Variants in CTNND2 observed in about 807,000 individuals in gnomAD.
CTNND2 encodes catenin delta-2.
In CTNND2, 22 loss-of-function variants were observed where a neutral mutation model predicts 144.4. The ratio of observed to expected loss-of-function variants is 0.15; its 90% CI spans 0.11 to 0.22. The LOEUF is 0.22. Among genes scored for constraint, CTNND2 ranks in the 10% least tolerant of loss-of-function variants. The pLI is 1.00. For missense variants in CTNND2, 1,353 were observed against 1,618.8 expected, an observed-to-expected ratio of 0.84 and a Z score of 2.82; for synonymous variants, 751 against 695.6, an observed-to-expected ratio of 1.08 and a Z score of -1.25.
At chr5:11,274,448 T>C (rs2149983366) in intron 9 of CTNND2, among the ~76,000 whole-genome samples, 1 of 152,182 alleles carries the variant, frequency 6.6e-6, no homozygotes, top group East Asian at 1.9e-4. Flanking sequence ...AAACAACCTG[T>C]CTCAGCAAAA....
chr5:11,099,747 T>C (rs1379604451), intron 14 of CTNND2, among the ~76,000 whole-genome samples: 4 of 152,190 alleles, frequency 2.6e-5, no homozygotes, highest in Non-Finnish European at 2.9e-5. Flanking sequence ...CTTTGTCTTT[T>C]GTGAAAATAA....
intron 15 of CTNND2, among the ~76,000 whole-genome samples, chr5:11,084,617 CA>C (rs1749941222): frequency 6.6e-6 from 1 of 152,112 alleles, no homozygotes; most frequent in African/African-American, 2.4e-5. Flanking sequence ...GTACTCCTGG[CA>C]ACTTAGGCAG....
intron 12 of CTNND2, among the ~76,000 whole-genome samples, chr5:11,124,443 C>T (rs7700861): frequency 0.16 from 23,582 of 152,042 alleles, 2,974 homozygotes; most frequent in East Asian, 0.45. Context: ...ATACTTTTCT[C>T]GATTCCACGA....
chr5:11,132,348 C>A (rs1333028874), intron 12 of CTNND2, among the ~76,000 whole-genome samples: 7 of 152,176 alleles, frequency 4.6e-5, no homozygotes, highest in Non-Finnish European at 1.5e-5. Context: ...TTGTGTCCTC[C>A]AACAAATCAT....
chr5:11,279,765 T>G (rs935845120), intron 9 of CTNND2, among the ~76,000 whole-genome samples: 2 of 152,058 alleles, frequency 1.3e-5, no homozygotes, highest in Non-Finnish European at 2.9e-5. Flanking sequence ...CCAATCATGG[T>G]GGAAGGTGAA....
intron 2 of CTNND2, among the ~76,000 whole-genome samples, chr5:11,727,842 T>C (rs1373541997): frequency 6.6e-6 from 1 of 152,208 alleles, no homozygotes; most frequent in African/African-American, 2.4e-5. Context: ...TAACAACACA[T>C]TGTGTTATCA....
At chr5:11,704,706 T>C (rs1027305627) in intron 2 of CTNND2, among the ~76,000 whole-genome samples, 3 of 151,812 alleles carry the variant, frequency 2.0e-5, no homozygotes, top group African/African-American at 7.3e-5. Context: ...TTCAGCTTGT[T>C]CCTCTGGAGG....
At chr5:11,144,146 T>TA (rs1386893713) in intron 12 of CTNND2, among the ~76,000 whole-genome samples, 1 of 112,768 alleles carries the variant, frequency 8.9e-6, no homozygotes, top group Non-Finnish European at 1.9e-5. Flanking sequence ...GGGGTTTCTA[T>TA]GAGCAGATCC....
chr5:11,660,898 A>C (rs534373535), intron 2 of CTNND2, among the ~76,000 whole-genome samples: 92 of 152,294 alleles, frequency 6.0e-4, no homozygotes, highest in Non-Finnish European at 1.2e-3. Context: ...TAATTTAAAA[A>C]TCTTGAGAAA....
chr5:11,181,448 C>T (rs1580511696), intron 11 of CTNND2, among the ~76,000 whole-genome samples: 1 of 152,174 alleles, frequency 6.6e-6, no homozygotes, highest in East Asian at 1.9e-4. Context: ...GCAGAGCACA[C>T]AGGCTGTGCC....
intron 3 of CTNND2, among the ~76,000 whole-genome samples, chr5:11,555,009 A>G (rs1358563020): frequency 6.6e-6 from 1 of 152,080 alleles, no homozygotes; most frequent in Non-Finnish European, 1.5e-5. Context: ...GAAGATATAA[A>G]CATAGAAATA....
At chr5:11,071,227 A>G (rs564920964) in intron 16 of CTNND2, among the ~76,000 whole-genome samples, 3 of 152,322 alleles carry the variant, frequency 2.0e-5, no homozygotes, top group South Asian at 4.1e-4. Context: ...GGGGGCCTCA[A>G]TAAAAATTTT....
chr5:11,185,314 T>C (rs907447476), intron 11 of CTNND2, among the ~76,000 whole-genome samples: 6 of 152,246 alleles, frequency 3.9e-5, no homozygotes, highest in Non-Finnish European at 7.3e-5. Context: ...GGACTGCTCC[T>C]GGAGAACAGA....
chr5:11,112,018 T>G (rs547474186), intron 13 of CTNND2, among the ~76,000 whole-genome samples: 1 of 152,166 alleles, frequency 6.6e-6, no homozygotes, highest in African/African-American at 2.4e-5. Context: ...AGCTAATTTT[T>G]TTTTGTATTT....
At chr5:10,977,606 C>A (rs1579923247) in intron 21 of CTNND2, among the ~76,000 whole-genome samples, 1 of 152,176 alleles carries the variant, frequency 6.6e-6, no homozygotes, top group African/African-American at 2.4e-5. Flanking sequence ...GCACACACCA[C>A]CATGCCCAGC....
chr5:11,008,195 A>G (rs919488955), intron 18 of CTNND2, among the ~76,000 whole-genome samples: 1 of 152,212 alleles, frequency 6.6e-6, no homozygotes, highest in African/African-American at 2.4e-5. Flanking sequence ...TGCCTCCCCC[A>G]TAGAAGATGT....
intron 16 of CTNND2, among the ~76,000 whole-genome samples, chr5:11,076,294 G>C (rs538548625): frequency 1.3e-5 from 2 of 152,168 alleles, no homozygotes; most frequent in Non-Finnish European, 2.9e-5. Context: ...GTAAATGCAA[G>C]CTCATGTTAT....
intron 10 of CTNND2, among the ~76,000 whole-genome samples, chr5:11,234,192 T>C (rs1741365712): frequency 6.6e-6 from 1 of 151,662 alleles, no homozygotes; most frequent in South Asian, 2.1e-4. Flanking sequence ...CACACACACA[T>C]ATGCACACAG....
chr5:11,687,721 T>C (rs375978220), intron 2 of CTNND2, among the ~76,000 whole-genome samples: 72 of 152,264 alleles, frequency 4.7e-4, no homozygotes, highest in African/African-American at 1.7e-3. Flanking sequence ...TTAGCCCTCA[T>C]GGAGCACGTG....
Sources: gnomAD v4.1 joint callset for allele counts (sites outside exome capture counted in the v4.1 genomes callset) on GRCh38, gnomAD v4.1.1 for gene constraint, MANE v1.5 for transcripts, NCBI Gene and HGNC (gene_info 2026-07-23, HGNC 2026-07-21) for gene names.